COL11A1: variants seen among roughly 807,000 people sequenced by gnomAD.
COL11A1 encodes collagen type XI alpha 1 chain, also known as collagen alpha-1(XI) chain.
COL11A1 carries 74 observed loss-of-function variants against 265.2 expected under a neutral mutation model. That is an observed-to-expected ratio of 0.28 (90% CI 0.23 to 0.34). The LOEUF (loss-of-function observed/expected upper bound fraction) is 0.34, where lower values mean the gene tolerates loss of function less well. Ranked by LOEUF, COL11A1 falls within the 10% of genes least tolerant of loss-of-function variation. The probability of loss-of-function intolerance (pLI) is 1.00; values close to 1 mark genes in which losing one functional copy is unlikely to be tolerated. For missense variants in COL11A1, 2,165 were observed against 2,263.6 expected (o/e 0.96, Z 0.88); for synonymous variants, 816 against 727.6 (o/e 1.12, Z -1.96).
chr1:103,017,108 T>G (rs1003397028), intron 11 of COL11A1, among the ~76,000 whole-genome samples: 1 of 152,090 alleles, frequency 6.6e-6, no homozygotes, highest in Non-Finnish European at 1.5e-5. Context: ...ACTAACTTTA[T>G]GAACTTTATT....
intron 50 of COL11A1, among the ~76,000 whole-genome samples, chr1:102,915,054 G>A (rs1446831499): frequency 3.3e-5 from 5 of 151,966 alleles, no homozygotes; most frequent in African/African-American, 9.7e-5. Flanking sequence ...ACAGGCACGC[G>A]CCACCAGGCC....
At chr1:102,881,829 A>C (rs1650279702) in intron 64 of COL11A1, 64 bp from the exon 65 acceptor site, 1 of 1,150,618 alleles carries the variant, frequency 8.7e-7, no homozygotes, top group South Asian at 1.3e-5. Flanking sequence ...CAGTATTTTT[A>C]TATACATATA....
intron 54 of COL11A1, among the ~76,000 whole-genome samples, chr1:102,907,556 T>G (rs887600854): frequency 1.3e-5 from 2 of 152,058 alleles, no homozygotes; most frequent in African/African-American, 4.8e-5. Flanking sequence ...TTGGCTTATG[T>G]TTCTTTATCA....
chr1:103,066,439 T>G (rs1346520497), intron 4 of COL11A1, among the ~76,000 whole-genome samples: 1 of 151,578 alleles, frequency 6.6e-6, no homozygotes, highest in Non-Finnish European at 1.5e-5. Context: ...ATCATAACAT[T>G]TTGGTACAAA....
rs1219141535 is a variant in COL11A1 at position 103,042,872 on chromosome 1, G to A, written c.652-11628C>T. On this transcript the variant is annotated intron_variant, in intron 4 of 66. Coordinates refer to ENST00000370096, the MANE Select transcript of COL11A1 (RefSeq NM_001854.4). ...GAACCCAAAAGAATATGAGAAGTTG[G>A]GGAAACACCATCTACTTGAAGACCT... Among the ~76,000 whole-genome samples the A allele has an allele frequency of 4.0e-5, 6 of 150,820 alleles. No individual in the cohort carries two copies. In the South Asian group the frequency reaches 1.3e-3, roughly 32 times the overall value.
At chr1:102,946,503 G>A (rs988934064) in intron 42 of COL11A1, among the ~76,000 whole-genome samples, 1 of 151,920 alleles carries the variant, frequency 6.6e-6, no homozygotes, top group Non-Finnish European at 1.5e-5. Context: ...TGTATTACAA[G>A]AGGTGTAAAA....
In COL11A1 at chr1:103,083,099, T is replaced by C; in HGVS notation, c.107-127A>G. On this transcript the variant is annotated intron_variant, in intron 1 of 66. Coordinates refer to ENST00000370096, the MANE Select transcript of COL11A1 (RefSeq NM_001854.4). ...CTATTTATCACTTGCCATGCTTCCC[T>C]AACATTTAGGTGGGAGTTTGGAGAG... is the stretch of plus-strand genomic sequence containing the variant. 3 of 906,850 alleles carry C rather than the reference T, an allele frequency of 3.3e-6. No homozygotes were observed. In the South Asian group the frequency reaches 5.0e-5, roughly 15 times the overall value. The allele number at this position is 906,850 out of a possible 1,614,324, so 56.2% of individuals were successfully genotyped here. A position where few individuals can be genotyped will look rare whatever the true frequency, so the allele number is the denominator to read the frequency against.
At chr1:103,050,193 T>C (rs1357018557) in intron 4 of COL11A1, among the ~76,000 whole-genome samples, 2 of 152,234 alleles carry the variant, frequency 1.3e-5, no homozygotes, top group Non-Finnish European at 1.5e-5. Context: ...TCCTGCAGAG[T>C]GTTTTCCAAC....
intron 56 of COL11A1, among the ~76,000 whole-genome samples, chr1:102,898,461 T>A (rs1050391631): frequency 2.0e-5 from 3 of 151,988 alleles, no homozygotes; most frequent in Non-Finnish European, 4.4e-5. Flanking sequence ...TCTTTATAAG[T>A]TAGTGTTTCA....
rs1570608906 is a variant in COL11A1, at chr1:102,880,041, T to C, written c.5041-125A>G. 4.4e-6 allele frequency: 3 copies of C among 687,464 alleles called. No individual in the cohort carries two copies. The East Asian group carries it at 8.1e-5, about 19-fold the overall frequency. The allele number at this position is 687,464 out of a possible 1,614,324, so 42.6% of individuals were successfully genotyped here. On this transcript the variant is annotated intron_variant, in intron 65 of 66. Transcript: ENST00000370096. ...ATGTAGATGAATCAAAAGACCCACC[T>C]TAACCTAATGAAAAAAAGTGTACAT...
chr1:103,020,822 C>T (rs1666986930), intron 9 of COL11A1, among the ~76,000 whole-genome samples: 1 of 117,426 alleles, frequency 8.5e-6, no homozygotes, highest in Admixed American at 8.5e-5. Flanking sequence ...AGCCAGTTTT[C>T]CCAGCACCAT....
intron 20 of COL11A1, 85 bp downstream of exon 20, chr1:103,004,359 T>C (rs1665401315): frequency 2.0e-6 from 2 of 1,009,416 alleles, no homozygotes; most frequent in Admixed American, 3.8e-5. Flanking sequence ...TTACCTGGGT[T>C]TATCATTGTT....
In COL11A1 at chr1:102,946,968, G is replaced by C; in HGVS notation, c.3169-12C>G. On this transcript the variant is annotated splice_polypyrimidine_tract_variant and intron_variant, in intron 41 of 66. Coordinates refer to ENST00000370096, the MANE Select transcript of COL11A1 (RefSeq NM_001854.4). Reference sequence around the variant, plus strand: ...TCTCCTGGTGAGCCCTAGTATACAGGAAAAGAAGTATTTTGTTATTAAAGA... The same window carrying C: ...TCTCCTGGTGAGCCCTAGTATACAGCAAAAGAAGTATTTTGTTATTAAAGA... The C allele has an allele frequency of 6.2e-7, 1 of 1,600,990 alleles. No individual in the cohort carries two copies. Among genetic ancestry groups the C allele is most frequent in the Non-Finnish European group, 8.5e-7 (1 of 1,171,086 alleles).
chr1:102,899,345 A>G (rs938180838), intron 54 of COL11A1, among the ~76,000 whole-genome samples: 5 of 152,156 alleles, frequency 3.3e-5, no homozygotes, highest in African/African-American at 1.2e-4. Context: ...TTAATTTAAT[A>G]TATCTACTTG....
intron 38 of COL11A1, among the ~76,000 whole-genome samples, chr1:102,963,956 T>C (rs1213897238): frequency 6.6e-6 from 1 of 152,194 alleles, no homozygotes; most frequent in Non-Finnish European, 1.5e-5. Flanking sequence ...ACCAAATCTT[T>C]TGTCTTCACA....
intron 41 of COL11A1, among the ~76,000 whole-genome samples, chr1:102,953,141 A>C (rs149577275): frequency 2.1e-4 from 32 of 152,340 alleles, no homozygotes; most frequent in Non-Finnish European, 2.5e-4. Flanking sequence ...AGAACAAGGG[A>C]CTTTATAATT....
intron 4 of COL11A1, among the ~76,000 whole-genome samples, chr1:103,063,370 G>A (rs879645563): frequency 2.6e-5 from 4 of 152,044 alleles, no homozygotes; most frequent in African/African-American, 4.8e-5. Flanking sequence ...GAACTGATAA[G>A]TAGATCAATG....
At chr1:102,944,903 T>G (rs1363254647) in intron 42 of COL11A1, among the ~76,000 whole-genome samples, 1 of 152,190 alleles carries the variant, frequency 6.6e-6, no homozygotes, top group African/African-American at 2.4e-5. Flanking sequence ...GAATCTATTT[T>G]CTATCTTCTC....
intron 15 of COL11A1, among the ~76,000 whole-genome samples, chr1:103,007,519 T>G (rs953603897): frequency 6.6e-6 from 1 of 152,072 alleles, no homozygotes; most frequent in African/African-American, 2.4e-5. Flanking sequence ...ATATAAATAA[T>G]TTTTATAATC....
Sources: gnomAD v4.1 joint callset for allele counts (sites outside exome capture counted in the v4.1 genomes callset) on GRCh38, gnomAD v4.1.1 for gene constraint, MANE v1.5 for transcripts, NCBI Gene and HGNC (gene_info 2026-07-23, HGNC 2026-07-21) for gene names.